Variants in UFL1 observed in about 807,000 individuals in gnomAD.
UFL1 encodes the protein E3 UFM1-protein ligase 1.
A neutral mutation model predicts 99.3 loss-of-function variants in UFL1; 78 were observed. The observed-to-expected ratio is 0.79, with a 90% CI of 0.65 to 0.95. The LOEUF (loss-of-function observed/expected upper bound fraction) is 0.95, where lower values mean the gene tolerates loss of function less well. Among genes scored for constraint, UFL1 ranks in the 40% least tolerant of loss-of-function variants. The pLI is 0.00. For missense variants in UFL1, 936 were observed against 937.0 expected, an observed-to-expected ratio of 1.00 and a Z score of 0.01; for synonymous variants, 335 against 322.2, an observed-to-expected ratio of 1.04 and a Z score of -0.42.
chr6:96,549,545 A>G lies in UFL1; in HGVS notation c.1654A>G (p.Arg552Gly). Residue 552 changes from arginine (R) to glycine (G), a missense_variant, in exon 14 of 19, where the codon AGG (arginine) becomes GGG (glycine). Physicochemically the swap from Arg to Gly is moderately radical, Grantham distance 125. Coordinates refer to ENST00000369278, the MANE Select transcript of UFL1 (RefSeq NM_015323.5). ...EEVSNLYNNI[R>G]LFEKGMKFFA... Reference sequence around the variant, plus strand: ...AGTTTCAAACCTGTACAATAACATTAGGTTATTTGAAAAAGGGATGAAGTT... The same window carrying G: ...AGTTTCAAACCTGTACAATAACATTGGGTTATTTGAAAAAGGGATGAAGTT... 1 of 1,596,520 alleles carries G rather than the reference A, an allele frequency of 6.3e-7. No homozygotes were observed. Among genetic ancestry groups the G allele is most frequent in the Non-Finnish European group, 8.5e-7 (1 of 1,173,494 alleles).
At position 96,549,753 on chromosome 6, in the gene UFL1, C is replaced by T. The variant is rs749306296; in HGVS notation, c.1772C>T (p.Ser591Leu). The change falls in exon 15 of 19, where the codon TCG becomes TTG. Residue 591 changes from serine to leucine, a missense_variant. Physicochemically the swap from Ser to Leu is moderately radical, Grantham distance 145. Transcript: ENST00000369278. Reference protein sequence around the residue: ...ITNLIFNFLASDLMMAVDDPA... With the variant: ...ITNLIFNFLALDLMMAVDDPA... ...AACCTCATTTTCAACTTCTTAGCTT[C>T]GGATTTAATGATGGCAGTAGACGAT... The T allele has an allele frequency of 3.1e-6, 5 of 1,612,060 alleles. No individual in the cohort carries two copies. Among genetic ancestry groups the T allele is most frequent in the Middle Eastern group, 1.7e-4 (1 of 6,044 alleles).
intron 11 of UFL1, 27 bp from the exon 12 acceptor site, chr6:96,542,867 T>C: frequency 2.6e-6 from 4 of 1,541,216 alleles, no homozygotes; most frequent in Non-Finnish European, 2.6e-6. Flanking sequence ...AGTTAGGTAA[T>C]GCTAACTAAT....
intron 2 of UFL1, among the ~76,000 whole-genome samples, chr6:96,524,157 T>A (rs1769666981): frequency 6.6e-6 from 1 of 151,334 alleles, no homozygotes; most frequent in African/African-American, 2.4e-5. Flanking sequence ...ATAATTGGCC[T>A]GATGTTATTT....
At chr6:96,551,761 A>C (rs1336676272) in intron 16 of UFL1, 77 bp from the exon 17 acceptor site, 28 of 1,037,808 alleles carry the variant, frequency 2.7e-5, no homozygotes, top group Non-Finnish European at 3.8e-5. Flanking sequence ...GTAAAATTAC[A>C]AAACAATTGT....
At position 96,524,430 on chromosome 6, in the gene UFL1, A is replaced by C. The variant is rs1562250031; in HGVS notation, c.252+20A>C. ...CAACAGGTAGGTTTTAAATTTATAA[A>C]ATTTTTGCTTTACTTTCTCAATTTT... On this transcript the variant is annotated intron_variant, in intron 3 of 18. Coordinates refer to ENST00000369278, the MANE Select transcript of UFL1 (RefSeq NM_015323.5). 2 of 1,564,266 alleles carry C rather than the reference A, an allele frequency of 1.3e-6. No homozygotes were observed. Among genetic ancestry groups the C allele is most frequent in the Non-Finnish European group, 1.7e-6 (2 of 1,160,338 alleles).
rs1020292231 is a variant in UFL1, at chr6:96,554,009, C to T, written c.*506C>T. On this transcript the variant is annotated 3_prime_UTR_variant, in exon 19 of 19. Transcript: ENST00000369278. ...TTTTATTTTTAAATAGAAAGCACTTCAAAACTAAAATACAGAAATTTACAA... is the reference window on the plus strand; with the variant it reads ...TTTTATTTTTAAATAGAAAGCACTTTAAAACTAAAATACAGAAATTTACAA... The T allele has an allele frequency of 6.6e-6, 1 of 151,798 alleles. No homozygotes were observed. The highest frequency in any genetic ancestry group is 2.4e-5 in the African/African-American group (1 of 41,296). The allele number at this position is 151,798 out of a possible 1,614,324, so 9.4% of individuals were successfully genotyped here. A position where few individuals can be genotyped will look rare whatever the true frequency, so the allele number is the denominator to read the frequency against.
intron 5 of UFL1, among the ~76,000 whole-genome samples, chr6:96,527,191 A>G (rs563133862): frequency 1.3e-5 from 2 of 152,252 alleles, no homozygotes; most frequent in South Asian, 2.1e-4. Flanking sequence ...TGGAAAGGAC[A>G]TAAGCTTTTG....
chr6:96,549,554 GA>G lies in UFL1; in HGVS notation c.1668del (p.Met558Ter). On this transcript the variant is annotated frameshift_variant, in exon 14 of 19. Transcript: ENST00000369278. LOFTEE classifies it high-confidence loss of function. Reference sequence around the variant, plus strand: ...CCTGTACAATAACATTAGGTTATTTGAAAAAGGGATGAAGTTTTTTGCAGGT... The same window carrying G: ...CCTGTACAATAACATTAGGTTATTTGAAAAGGGATGAAGTTTTTTGCAGGT... ...SNLYNNIRLF[E>X]KGMKFFADDT... is the part of the protein sequence containing the mutation. The G allele has an allele frequency of 6.3e-7, 1 of 1,594,500 alleles. No individual in the cohort carries two copies. Among genetic ancestry groups the G allele is most frequent in the Non-Finnish European group, 8.5e-7 (1 of 1,172,730 alleles).
chr6:96,523,905 C>CT (rs1769663000), intron 2 of UFL1, among the ~76,000 whole-genome samples: 1 of 152,142 alleles, frequency 6.6e-6, no homozygotes, highest in South Asian at 2.1e-4. Flanking sequence ...TGGTCTTTGT[C>CT]TTTTTTTATT....
intron 12 of UFL1, among the ~76,000 whole-genome samples, chr6:96,544,995 A>T (rs1164709356): frequency 6.6e-6 from 1 of 151,038 alleles, no homozygotes; most frequent in Non-Finnish European, 1.5e-5. Context: ...AAAATATAGG[A>T]TCAACTCAGT....
At position 96,548,748 on chromosome 6, in the gene UFL1, G is replaced by A. The variant is rs1364531742; in HGVS notation, c.1520+467G>A. Among the ~76,000 whole-genome samples, 3 of 151,742 alleles carry A rather than the reference G, an allele frequency of 2.0e-5. No homozygotes were observed. The East Asian group carries it at 5.8e-4, about 29-fold the overall frequency. On this transcript the variant is annotated intron_variant, in intron 13 of 18. Transcript: ENST00000369278. ...GCACTCCTACCTTATGAATGGCTAA[G>A]GGTATTTTTATATAAAAATGAAGAA... is the stretch of plus-strand genomic sequence containing the variant.
intron 17 of UFL1, 124 bp downstream of exon 17, chr6:96,552,047 A>G: frequency 1.6e-6 from 1 of 628,488 alleles, no homozygotes; most frequent in East Asian, 2.8e-5. Context: ...TAATATATCT[A>G]AATGGCTGTA....
rs1770113710 is a variant in UFL1 at position 96,553,612 on chromosome 6, C to T, written c.*109C>T. ...AACTCCCCTCTCCCTGCAAAAACCACCTCATACACACACAATTCAGTTAAA... is the reference window on the plus strand; with the variant it reads ...AACTCCCCTCTCCCTGCAAAAACCATCTCATACACACACAATTCAGTTAAA... On this transcript the variant is annotated 3_prime_UTR_variant, in exon 19 of 19. Coordinates refer to ENST00000369278, the MANE Select transcript of UFL1 (RefSeq NM_015323.5). 1.3e-6 allele frequency: 1 copy of T among 749,618 alleles called. No individual in the cohort carries two copies. The highest frequency in any genetic ancestry group is 2.7e-5 in the East Asian group (1 of 37,356). 46.4% of individuals were successfully genotyped at this position (749,618 alleles called of 1,614,324 possible). A position where few individuals can be genotyped will look rare whatever the true frequency, so the allele number is the denominator to read the frequency against.
At chr6:96,525,266 A>G in intron 3 of UFL1, 31 bp from the exon 4 acceptor site, 2 of 1,438,110 alleles carry the variant, frequency 1.4e-6, no homozygotes, top group Non-Finnish European at 1.9e-6. Context: ...ATACAAACTA[A>G]TCATTAATAG....
chr6:96,532,487 A>C (rs1413620513), intron 6 of UFL1, among the ~76,000 whole-genome samples: 1 of 152,174 alleles, frequency 6.6e-6, no homozygotes, highest in African/African-American at 2.4e-5. Flanking sequence ...GGGCCTAGTA[A>C]GTGTTTGGGT....
At position 96,551,830 on chromosome 6, in the gene UFL1, C is replaced by G; in HGVS notation, c.1900-8C>G. The G allele has an allele frequency of 6.3e-7, 1 of 1,580,120 alleles. No homozygotes were observed. Among genetic ancestry groups the G allele is most frequent in the South Asian group, 1.2e-5 (1 of 86,652 alleles). ...AAAAGTAAATTATGGTATTCAATGC[C>G]TTTTCAGAGCATAGAAGACTTTATT... is the stretch of plus-strand genomic sequence containing the variant. On this transcript the variant is annotated splice_region_variant and splice_polypyrimidine_tract_variant and intron_variant, in intron 16 of 18. Transcript: ENST00000369278.
At chr6:96,526,088 AAAAAAAAAAG>A in intron 4 of UFL1, among the ~76,000 whole-genome samples, 1 of 151,078 alleles carries the variant, frequency 6.6e-6, no homozygotes, top group African/African-American at 2.4e-5. Context: ...CTTGATGCAA[AAAAAAAAAAG>A]AAAAAGAAAA....
intron 10 of UFL1, among the ~76,000 whole-genome samples, chr6:96,540,025 A>G (rs1433594530): frequency 6.6e-6 from 1 of 150,994 alleles, no homozygotes; most frequent in Non-Finnish European, 1.5e-5. Context: ...TTGTTATCAT[A>G]AACTTTTTCA....
chr6:96,542,894 A>C lies in UFL1; in HGVS notation c.1280A>C (p.Glu427Ala), dbSNP rs1769950507. The stretch of plus-strand genomic sequence containing the variant: ...CTAACTAATGTCATTTTCCCACCAG[A>C]GGGCAGTGGAAGCATGAGAGGAGGA... The part of the protein sequence containing the change: ...KKDERRRKAT[E>A]GSGSMRGGGG... Residue 427 changes from glutamate to alanine, a missense_variant and splice_region_variant, in exon 12 of 19, where the codon GAG becomes GCG. Coordinates refer to ENST00000369278, the MANE Select transcript of UFL1 (RefSeq NM_015323.5). 1 of 1,568,900 alleles carries C rather than the reference A, an allele frequency of 6.4e-7. No individual in the cohort carries two copies. The highest frequency in any genetic ancestry group is 1.2e-5 in the South Asian group (1 of 81,570).
Sources: gnomAD v4.1 joint callset for allele counts (sites outside exome capture counted in the v4.1 genomes callset) on GRCh38, gnomAD v4.1.1 for gene constraint, MANE v1.5 for transcripts, NCBI Gene and HGNC (gene_info 2026-07-23, HGNC 2026-07-21) for gene names.